STK39: variants seen among roughly 807,000 people sequenced by gnomAD.
The protein encoded by STK39 is serine/threonine kinase 39.
STK39 carries 20 observed loss-of-function variants against 77.8 expected under a neutral mutation model. The ratio of observed to expected loss-of-function variants is 0.26; its 90% confidence interval spans 0.18 to 0.37. STK39 has a LOEUF of 0.37. Ranked by LOEUF, STK39 falls within the 10% of genes least tolerant of loss-of-function variation. The probability of loss-of-function intolerance (pLI) is 1.00; values close to 1 mark genes in which losing one functional copy is unlikely to be tolerated. For synonymous variants in STK39, 246 were observed against 234.1 expected (o/e 1.05, Z -0.47); for missense variants, 479 against 656.5 (o/e 0.73, Z 2.95).
intron 10 of STK39, among the ~76,000 whole-genome samples, chr2:168,105,257 A>T (rs1229753036): frequency 6.6e-6 from 1 of 152,188 alleles, no homozygotes; most frequent in African/African-American, 2.4e-5. Flanking sequence ...ACTCAGTCTG[A>T]TGAACTTCAC....
intron 1 of STK39, among the ~76,000 whole-genome samples, chr2:168,217,039 G>A (rs1690042329): frequency 6.6e-6 from 1 of 152,200 alleles, no homozygotes; most frequent in South Asian, 2.1e-4. Context: ...AGACTGCTCA[G>A]ACCTGCCAGG....
At chr2:168,057,719 G>A (rs370768355) in intron 14 of STK39, among the ~76,000 whole-genome samples, 2 of 151,894 alleles carry the variant, frequency 1.3e-5, no homozygotes, top group Non-Finnish European at 2.9e-5. Context: ...CCTCCATCAC[G>A]TTCTTTTCCT....
intron 1 of STK39, among the ~76,000 whole-genome samples, chr2:168,196,802 G>C (rs1405276517): frequency 6.6e-6 from 1 of 152,184 alleles, no homozygotes; most frequent in Non-Finnish European, 1.5e-5. Context: ...GCAAAGATCT[G>C]AGCATTCTAA....
rs200665944 is a variant in STK39 at position 167,955,476 on chromosome 2, G to T, written c.*20C>A. 1 of 1,610,908 alleles carries T rather than the reference G, an allele frequency of 6.2e-7. No homozygotes were observed. Among genetic ancestry groups the T allele is most frequent in the African/African-American group, 1.4e-5 (1 of 73,048 alleles). ...TGGCGGTGGGGCATGACAGATCAGG[G>T]TGACATCAAGGGACATACATCAGCT... On this transcript the variant is annotated 3_prime_UTR_variant, in exon 18 of 18. Transcript: ENST00000355999.
chr2:167,973,375 G>T (rs1692403183), intron 16 of STK39, among the ~76,000 whole-genome samples: 1 of 152,128 alleles, frequency 6.6e-6, no homozygotes, highest in Non-Finnish European at 1.5e-5. Flanking sequence ...TAAGGCCTGA[G>T]GACATTCAGA....
chr2:168,093,353 T>G (rs1013646292), intron 10 of STK39, among the ~76,000 whole-genome samples: 17 of 152,148 alleles, frequency 1.1e-4, no homozygotes, highest in African/African-American at 3.6e-4. Context: ...GGCCTCACAA[T>G]CATGGCAGAA....
intron 10 of STK39, among the ~76,000 whole-genome samples, chr2:168,077,203 T>C (rs1430864983): frequency 2.0e-5 from 3 of 152,174 alleles, no homozygotes; most frequent in Admixed American, 6.5e-5. Context: ...AGCTGATGAA[T>C]TAGTATTCTT....
At chr2:168,100,650 A>G (rs945361796) in intron 10 of STK39, among the ~76,000 whole-genome samples, 3 of 152,172 alleles carry the variant, frequency 2.0e-5, no homozygotes, top group Non-Finnish European at 4.4e-5. Flanking sequence ...AGAATGGGAG[A>G]AAATTTTTGC....
intron 1 of STK39, among the ~76,000 whole-genome samples, chr2:168,195,488 CTGGTCGG>C (rs1170516378): frequency 6.6e-6 from 1 of 152,212 alleles, no homozygotes; most frequent in East Asian, 1.9e-4. Context: ...TTAATAAAGT[CTGGTCGG>C]TGGCCATGCT....
At chr2:168,186,239 C>T (rs550128323) in intron 1 of STK39, among the ~76,000 whole-genome samples, 1 of 152,260 alleles carries the variant, frequency 6.6e-6, no homozygotes, top group South Asian at 2.1e-4. Flanking sequence ...CAAGAGAGCC[C>T]ACCAGAAACT....
At chr2:168,042,676 G>A (rs977515871) in intron 14 of STK39, among the ~76,000 whole-genome samples, 4 of 151,412 alleles carry the variant, frequency 2.6e-5, no homozygotes, top group Non-Finnish European at 5.9e-5. Flanking sequence ...TGCCTCTTGG[G>A]TGCAAGCAGT....
At chr2:168,169,631 C>CGTGTGTGTGT (rs10611769) in intron 2 of STK39, among the ~76,000 whole-genome samples, 13,518 of 145,804 alleles carry the variant, frequency 0.093, 682 homozygotes, top group East Asian at 0.18. Flanking sequence ...TTGCAGTGAG[C>CGTGTGTGTGT]GTGTGTGTGT....
intron 14 of STK39, among the ~76,000 whole-genome samples, chr2:168,018,538 A>AAAAGAAAAGAAAGAAAG (rs1684480669): frequency 1.2e-5 from 1 of 85,430 alleles, no homozygotes. Context: ...GAAAAGAAAG[A>AAAAGAAAAGAAAGAAAG]AAAGAAAGAA....
chr2:168,096,981 T>G (rs1399636298), intron 10 of STK39, among the ~76,000 whole-genome samples: 2 of 152,168 alleles, frequency 1.3e-5, no homozygotes, highest in Non-Finnish European at 2.9e-5. Flanking sequence ...CGCTATTAAT[T>G]TACTGTTCTA....
chr2:168,113,423 T>C (rs1687172126), intron 10 of STK39, among the ~76,000 whole-genome samples: 1 of 152,142 alleles, frequency 6.6e-6, no homozygotes, highest in Non-Finnish European at 1.5e-5. Context: ...ACATGGAATA[T>C]TACCAGATAA....
At chr2:168,047,123 A>G (rs1358088296) in intron 14 of STK39, among the ~76,000 whole-genome samples, 1 of 152,214 alleles carries the variant, frequency 6.6e-6, no homozygotes, top group Non-Finnish European at 1.5e-5. Flanking sequence ...GTTGGAGAAA[A>G]GAGGTAAAAG....
chr2:168,129,321 A>T (rs1280540394), intron 10 of STK39, among the ~76,000 whole-genome samples: 1 of 152,254 alleles, frequency 6.6e-6, no homozygotes, highest in Non-Finnish European at 1.5e-5. Context: ...ATAAAGGGAA[A>T]AATGAAATCA....
intron 2 of STK39, among the ~76,000 whole-genome samples, chr2:168,172,320 A>G (rs1404873262): frequency 6.6e-6 from 1 of 152,216 alleles, no homozygotes; most frequent in Non-Finnish European, 1.5e-5. Flanking sequence ...GAAATGTCAC[A>G]GGACACATCT....
intron 10 of STK39, among the ~76,000 whole-genome samples, chr2:168,106,465 A>G (rs55666730): frequency 0.032 from 4,916 of 152,274 alleles, 267 homozygotes; most frequent in African/African-American, 0.11. Flanking sequence ...ACATATATTA[A>G]AACTAAAATT....
Sources: allele counts gnomAD v4.1 joint callset (sites outside exome capture counted in the v4.1 genomes callset), GRCh38; gene constraint gnomAD v4.1.1; transcripts MANE v1.5; gene names NCBI Gene and HGNC (gene_info 2026-07-23, HGNC 2026-07-21).